The following MACROD2 variants were observed in gnomAD, a reference collection of about 807,000 sequenced individuals.
MACROD2 encodes the protein ADP-ribose glycohydrolase MACROD2.
MACROD2 carries 36 observed loss-of-function variants against 70.4 expected under a neutral mutation model. That is an observed-to-expected ratio of 0.51 (90% CI 0.39 to 0.68). The LOEUF (loss-of-function observed/expected upper bound fraction) is 0.68, where lower values mean the gene tolerates loss of function less well. MACROD2 is among the 30% of genes least tolerant of loss of function. The pLI is 0.00. For synonymous variants in MACROD2, 172 were observed against 178.8 expected (o/e 0.96, Z 0.30); for missense variants, 496 against 538.4 (o/e 0.92, Z 0.78).
chr20:14,323,037 AG>A (rs1449442805), intron 3 of MACROD2: 3 of 152,328 alleles, frequency 2.0e-5, no homozygotes. Context: ...TCAACATAGA[AG>A]ACTTGTCTTA....
chr20:15,036,316 C>T (rs940669758), intron 5 of MACROD2, among the ~76,000 whole-genome samples: 3 of 152,130 alleles, frequency 2.0e-5, no homozygotes, highest in Non-Finnish European at 4.4e-5. Flanking sequence ...AATTGCAGTA[C>T]ATTACGATGA....
At chr20:14,012,063 C>T (rs755506764) in intron 2 of MACROD2, among the ~76,000 whole-genome samples, 26 of 152,130 alleles carry the variant, frequency 1.7e-4, no homozygotes, top group Middle Eastern at 3.4e-3. Flanking sequence ...CATGTACCCC[C>T]GCCCAGCTAA....
intron 9 of MACROD2, among the ~76,000 whole-genome samples, chr20:15,868,715 T>C (rs1422234320): frequency 6.6e-6 from 1 of 151,660 alleles, no homozygotes; most frequent in African/African-American, 2.4e-5. Flanking sequence ...ATTATCTGCA[T>C]AGTAACTGAT....
At chr20:14,724,343 G>A (rs6074778) in intron 5 of MACROD2, among the ~76,000 whole-genome samples, 62,033 of 151,728 alleles carry the variant, frequency 0.41, 13,950 homozygotes, top group Non-Finnish European at 0.51. Flanking sequence ...TTTAAAATGG[G>A]GATAATAATA....
At chr20:14,536,540 C>T (rs6110320) in intron 4 of MACROD2, among the ~76,000 whole-genome samples, 2,601 of 151,960 alleles carry the variant, frequency 0.017, 63 homozygotes, top group African/African-American at 0.051. Context: ...TGCAAGGAAT[C>T]TTTAGGAGCA....
chr20:15,827,174 A>G (rs2064005976), intron 8 of MACROD2, among the ~76,000 whole-genome samples: 2 of 152,208 alleles, frequency 1.3e-5, no homozygotes, highest in South Asian at 4.1e-4. Flanking sequence ...AAAGATAAGA[A>G]GAAAAACTAT....
chr20:14,021,811 G>C (rs1199908063), intron 2 of MACROD2, among the ~76,000 whole-genome samples: 6 of 152,146 alleles, frequency 3.9e-5, no homozygotes, highest in Admixed American at 2.6e-4. Flanking sequence ...AGGTGGTAGA[G>C]GTATAGGAGT....
At chr20:14,180,626 G>C (rs2081298068) in intron 3 of MACROD2, among the ~76,000 whole-genome samples, 1 of 151,938 alleles carries the variant, frequency 6.6e-6, no homozygotes, top group South Asian at 2.1e-4. Context: ...CAATAAAACT[G>C]CCAGAGAAAA....
At chr20:14,749,494 T>G (rs1420181583) in intron 5 of MACROD2, among the ~76,000 whole-genome samples, 1 of 152,102 alleles carries the variant, frequency 6.6e-6, no homozygotes, top group Non-Finnish European at 1.5e-5. Context: ...GATGATATTT[T>G]AACTGTAGAA....
intron 5 of MACROD2, among the ~76,000 whole-genome samples, chr20:14,983,568 T>C (rs1190348165): frequency 6.6e-6 from 1 of 152,140 alleles, no homozygotes; most frequent in Non-Finnish European, 1.5e-5. Flanking sequence ...CTGATGGCTT[T>C]AAAAATGGGA....
chr20:14,719,860 C>T (rs1453794474), intron 5 of MACROD2, among the ~76,000 whole-genome samples: 5 of 152,098 alleles, frequency 3.3e-5, no homozygotes, highest in African/African-American at 1.2e-4. Context: ...TCAGCCAAGT[C>T]CCACCAGAGC....
chr20:14,327,191 C>T, intron 3 of MACROD2: 1 of 1,613,636 alleles, frequency 6.2e-7, no homozygotes, highest in Non-Finnish European at 8.5e-7. Context: ...AACTCTTTTA[C>T]ATACTTTGGG....
chr20:14,382,832 C>T (rs531783178), intron 3 of MACROD2, among the ~76,000 whole-genome samples: 7 of 152,056 alleles, frequency 4.6e-5, no homozygotes, highest in Non-Finnish European at 1.0e-4. Context: ...TTTACCATAA[C>T]TGAGTAATCT....
intron 5 of MACROD2, among the ~76,000 whole-genome samples, chr20:15,045,832 T>TA (rs1243973929): frequency 1.3e-5 from 2 of 150,514 alleles, no homozygotes; most frequent in African/African-American, 4.9e-5. Flanking sequence ...AACTTCATTA[T>TA]ATTGAAGTGC....
chr20:15,803,829 G>A (rs974798930), intron 8 of MACROD2, among the ~76,000 whole-genome samples: 2 of 151,980 alleles, frequency 1.3e-5, no homozygotes, highest in Non-Finnish European at 2.9e-5. Context: ...AAATAGAGAC[G>A]AAAAACAACA....
intron 8 of MACROD2, among the ~76,000 whole-genome samples, chr20:15,839,930 C>G (rs897645239): frequency 2.0e-5 from 3 of 152,130 alleles, no homozygotes; most frequent in African/African-American, 7.2e-5. Context: ...GTTCCCTCAT[C>G]TATGAAATAG....
At chr20:15,571,208 C>A (rs1047263472) in intron 8 of MACROD2, among the ~76,000 whole-genome samples, 1 of 152,132 alleles carries the variant, frequency 6.6e-6, no homozygotes, top group African/African-American at 2.4e-5. Context: ...TGGAAGCCTG[C>A]AGATAGCTGG....
rs1254856817 is a variant in MACROD2, at chr20:15,196,864, G to C, written c.419-33076G>C. ...TATCCATACCAGATATGCCACTATC[G>C]AGAAGCAGATGACAGGCTCAGGCCT... On this transcript the variant is annotated intron_variant, in intron 5 of 17. Coordinates refer to ENST00000684519, the MANE Select transcript of MACROD2 (RefSeq NM_001351661.2). 6 of 985,134 alleles carry C rather than the reference G, an allele frequency of 6.1e-6. No homozygotes were observed. The South Asian group carries it at 2.8e-4, about 46-fold the overall frequency. 61.0% of individuals were successfully genotyped at this position (985,134 alleles called of 1,614,324 possible). A position where few individuals can be genotyped will look rare whatever the true frequency, so the allele number is the denominator to read the frequency against.
chr20:15,569,651 T>C (rs1210336327), intron 8 of MACROD2, among the ~76,000 whole-genome samples: 1 of 152,176 alleles, frequency 6.6e-6, no homozygotes, highest in Non-Finnish European at 1.5e-5. Context: ...GCATTTGTTT[T>C]TTCTGTGCCT....
Sources: allele counts gnomAD v4.1 joint callset (sites outside exome capture counted in the v4.1 genomes callset), GRCh38; gene constraint gnomAD v4.1.1; transcripts MANE v1.5; gene names NCBI Gene and HGNC (gene_info 2026-07-23, HGNC 2026-07-21).